The following UBE2D3 variants were observed in gnomAD, a reference collection of about 807,000 sequenced individuals.
The protein encoded by UBE2D3 is ubiquitin-conjugating enzyme E2 D3.
Under a neutral mutation model 22.8 loss-of-function variants are expected in UBE2D3, and 2 were observed. The ratio of observed to expected loss-of-function variants is 0.09; its 90% confidence interval spans 0.04 to 0.28. The LOEUF is 0.28. UBE2D3 is among the 10% of genes least tolerant of loss of function. The probability of loss-of-function intolerance (pLI) is 1.00; values close to 1 mark genes in which losing one functional copy is unlikely to be tolerated. For synonymous variants in UBE2D3, 56 were observed against 60.4 expected, an observed-to-expected ratio of 0.93 and a Z score of 0.34; for missense variants, 27 against 182.5, an observed-to-expected ratio of 0.15 and a Z score of 4.91.
rs1725194475 is a variant in UBE2D3, at chr4:102,795,620, G to A, written c.*1795C>T. The A allele has an allele frequency of 6.6e-6, 1 of 152,064 alleles. No homozygotes were observed. Among genetic ancestry groups the A allele is most frequent in the African/African-American group, 2.4e-5 (1 of 41,442 alleles). The allele number at this position is 152,064 out of a possible 1,614,324, so 9.4% of individuals were successfully genotyped here. On this transcript the variant is annotated 3_prime_UTR_variant, in exon 8 of 8. Transcript: ENST00000453744. ...AATTAACAAAGCCAGAACATCTTCAGAAGGCATGCATTTCACTTCCAGTTT... is the reference window on the plus strand; with the variant it reads ...AATTAACAAAGCCAGAACATCTTCAAAAGGCATGCATTTCACTTCCAGTTT...
At position 102,802,654 on chromosome 4, in the gene UBE2D3, T is replaced by C. The variant is rs780409426; in HGVS notation, c.121-16A>G. The C allele has an allele frequency of 1.3e-6, 2 of 1,564,812 alleles. No individual in the cohort carries two copies. The highest frequency in any genetic ancestry group is 3.7e-5 in the Admixed American group (2 of 53,366). On this transcript the variant is annotated splice_polypyrimidine_tract_variant and intron_variant, in intron 4 of 7. Transcript: ENST00000453744. ...GGCTGTCATTCTGTAAAAAGAAAAG[T>C]ATGCTTAACTCAAATTTAAAATATT...
At chr4:102,862,438 G>A (rs1309518628) in intron 1 of UBE2D3, among the ~76,000 whole-genome samples, 1 of 151,784 alleles carries the variant, frequency 6.6e-6, no homozygotes, top group Non-Finnish European at 1.5e-5. Flanking sequence ...AAGCATATTA[G>A]TTGTTCCATT....
chr4:102,819,606 C>G, intron 2 of UBE2D3: 1 of 985,394 alleles, frequency 1.0e-6, no homozygotes, highest in Non-Finnish European at 1.2e-6. Flanking sequence ...ATAACTTATT[C>G]TAGGTTTCAT....
At chr4:102,811,857 A>G (rs1728097779) in intron 2 of UBE2D3, 1 of 400,816 alleles carries the variant, frequency 2.5e-6, no homozygotes, top group Admixed American at 3.6e-5. Flanking sequence ...TTCTCCATAA[A>G]AAGAAAAAAA....
At chr4:102,825,220 CAA>C in intron 2 of UBE2D3, 1 of 985,304 alleles carries the variant, frequency 1.0e-6, no homozygotes, top group Non-Finnish European at 1.2e-6. Flanking sequence ...CTATTAAAAC[CAA>C]AGTTTCTAAC....
At chr4:102,821,524 C>T (rs1729612833) in intron 2 of UBE2D3, among the ~76,000 whole-genome samples, 1 of 152,072 alleles carries the variant, frequency 6.6e-6, no homozygotes, top group Non-Finnish European at 1.5e-5. Flanking sequence ...CAGAGAGGAG[C>T]TTCAGAATCA....
chr4:102,836,901 G>A (rs1256517204), intron 1 of UBE2D3: 1 of 152,116 alleles, frequency 6.6e-6, no homozygotes, highest in Non-Finnish European at 1.5e-5. Flanking sequence ...ATATGGGAGT[G>A]GCCTTAAATG....
chr4:102,819,588 C>T (rs927981805), intron 2 of UBE2D3: 22 of 985,306 alleles, frequency 2.2e-5, no homozygotes, highest in Middle Eastern at 5.2e-4. Context: ...TAAAGCGTAA[C>T]GCCATAAATA....
chr4:102,852,825 G>C (rs1732426830), intron 1 of UBE2D3, among the ~76,000 whole-genome samples: 1 of 152,098 alleles, frequency 6.6e-6, no homozygotes, highest in Non-Finnish European at 1.5e-5. Context: ...TTACGAATAA[G>C]TTGAAAAATT....
In UBE2D3 at chr4:102,794,450, C is replaced by G. The variant is rs1379264226; in HGVS notation, c.*2965G>C. On this transcript the variant is annotated 3_prime_UTR_variant, in exon 8 of 8. Coordinates refer to ENST00000453744, the MANE Select transcript of UBE2D3 (RefSeq NM_181891.3). ...TCAATTAACTTCAGCTATTACAAGT[C>G]TTATGCAGATGTCACTATTAGACAA... 1.3e-5 allele frequency: 2 copies of G among 152,070 alleles called. No individual in the cohort carries two copies. Among genetic ancestry groups the G allele is most frequent in the East Asian group, 3.9e-4 (2 of 5,194 alleles). The allele number at this position is 152,070 out of a possible 1,614,324, so 9.4% of individuals were successfully genotyped here.
At chr4:102,822,660 ACGTGGTG>A (rs1729797612) in intron 2 of UBE2D3, among the ~76,000 whole-genome samples, 1 of 148,754 alleles carries the variant, frequency 6.7e-6, no homozygotes, top group South Asian at 2.1e-4. Flanking sequence ...GGGCCAGGCC[ACGTGGTG>A]GCTCACGCCT....
At chr4:102,816,393 T>TA (rs2110301720) in intron 2 of UBE2D3, among the ~76,000 whole-genome samples, 1 of 152,334 alleles carries the variant, frequency 6.6e-6, no homozygotes, top group South Asian at 2.1e-4. Flanking sequence ...AGTCAAAAGC[T>TA]AAAGAGACCA....
At chr4:102,840,862 CA>C (rs1560885452) in intron 1 of UBE2D3, among the ~76,000 whole-genome samples, 1 of 151,690 alleles carries the variant, frequency 6.6e-6, no homozygotes, top group Non-Finnish European at 1.5e-5. Context: ...CAGTTTGTTA[CA>C]AAAATTAGCT....
intron 1 of UBE2D3, among the ~76,000 whole-genome samples, chr4:102,850,863 A>G (rs1732306762): frequency 6.6e-6 from 1 of 152,082 alleles, no homozygotes; most frequent in East Asian, 1.9e-4. Flanking sequence ...GTTCTCACTT[A>G]TAAGTGGGAG....
Position 102,794,877 on chromosome 4 carries a change from C to T in UBE2D3, c.*2538G>A, listed in dbSNP as rs184424864. ...TTAACAGGCCAACTGGACCCTAATT[C>T]GGTTTATGCATTAAAAGATTTAGGA... is the stretch of plus-strand genomic sequence containing the variant. On this transcript the variant is annotated 3_prime_UTR_variant, in exon 8 of 8. Coordinates refer to ENST00000453744, the MANE Select transcript of UBE2D3 (RefSeq NM_181891.3). 63 of 152,096 alleles carry T rather than the reference C, an allele frequency of 4.1e-4. No homozygotes were observed. The highest frequency in any genetic ancestry group is 1.0e-3 in the Admixed American group (16 of 15,266). The allele number at this position is 152,096 out of a possible 1,614,324, so 9.4% of individuals were successfully genotyped here.
At chr4:102,838,983 ATGT>A (rs1731589042) in intron 1 of UBE2D3, among the ~76,000 whole-genome samples, 2 of 152,132 alleles carry the variant, frequency 1.3e-5, no homozygotes, top group South Asian at 4.1e-4. Flanking sequence ...AAGCTTCTGG[ATGT>A]TGTTAGGAAT....
At chr4:102,853,863 A>G (rs544158079) in intron 1 of UBE2D3, among the ~76,000 whole-genome samples, 103 of 152,306 alleles carry the variant, frequency 6.8e-4, no homozygotes, top group African/African-American at 2.4e-3. Context: ...CCTCACTTTC[A>G]TCAACTGAAT....
upstream of UBE2D3, among the ~76,000 whole-genome samples, chr4:102,828,727 C>T (rs998417473): frequency 1.3e-5 from 2 of 152,192 alleles, no homozygotes; most frequent in Non-Finnish European, 2.9e-5. Context: ...CAATACAATA[C>T]TTCCTGAAAT....
At chr4:102,822,948 A>C (rs79284504) in intron 2 of UBE2D3, among the ~76,000 whole-genome samples, 2,340 of 152,246 alleles carry the variant, frequency 0.015, 27 homozygotes, top group Non-Finnish European at 0.024. Flanking sequence ...ACAACAACAA[A>C]AAAAGGAATT....
Sources: gnomAD v4.1 joint callset for allele counts (sites outside exome capture counted in the v4.1 genomes callset) on GRCh38, gnomAD v4.1.1 for gene constraint, MANE v1.5 for transcripts, NCBI Gene and HGNC (gene_info 2026-07-23, HGNC 2026-07-21) for gene names.